Variants in RBBP8 observed in about 807,000 individuals in gnomAD.
RBBP8 encodes the protein DNA endonuclease RBBP8.
In RBBP8, 88 loss-of-function variants were observed where a neutral mutation model predicts 108.3. That is an observed-to-expected ratio of 0.81 (90% CI 0.68 to 0.97). RBBP8 has a LOEUF of 0.97. RBBP8 is among the 50% of genes least tolerant of loss of function. The pLI is 0.00. For synonymous variants in RBBP8, 332 were observed against 348.2 expected, an observed-to-expected ratio of 0.95 and a Z score of 0.52; for missense variants, 1,023 against 1,049.0, an observed-to-expected ratio of 0.98 and a Z score of 0.34.
intron 9 of RBBP8, among the ~76,000 whole-genome samples, chr18:22,990,467 A>G (rs1360344509): frequency 6.6e-6 from 1 of 152,222 alleles, no homozygotes; most frequent in African/African-American, 2.4e-5. Flanking sequence ...GGAGTAGAAT[A>G]TACTTGTGTA....
At chr18:22,959,090 G>T (rs1912844068) in intron 4 of RBBP8, among the ~76,000 whole-genome samples, 1 of 152,130 alleles carries the variant, frequency 6.6e-6, no homozygotes, top group South Asian at 2.1e-4. Flanking sequence ...ATAAATGTGG[G>T]CCTTTCTATT....
chr18:23,004,271 G>GTA (rs56071878), intron 15 of RBBP8, among the ~76,000 whole-genome samples: 7,810 of 150,510 alleles, frequency 0.052, 281 homozygotes, highest in Middle Eastern at 0.13. Context: ...CTAGATAGGT[G>GTA]TATATATATA....
At chr18:23,017,705 A>T (rs1424374957) in intron 17 of RBBP8, among the ~76,000 whole-genome samples, 1 of 149,316 alleles carries the variant, frequency 6.7e-6, no homozygotes, top group Non-Finnish European at 1.5e-5. Context: ...AGGTATACTC[A>T]TAATTTTTTA....
At chr18:22,970,527 G>A (rs1204816324) in intron 5 of RBBP8, among the ~76,000 whole-genome samples, 1 of 152,100 alleles carries the variant, frequency 6.6e-6, no homozygotes, top group Non-Finnish European at 1.5e-5. Flanking sequence ...GAATGTTTGA[G>A]AATTTTTATT....
At chr18:22,967,365 CAAA>C (rs200892497) in intron 4 of RBBP8, among the ~76,000 whole-genome samples, 1 of 108,256 alleles carries the variant, frequency 9.2e-6, no homozygotes, top group Non-Finnish European at 1.8e-5. Context: ...GACTCCGTCT[CAAA>C]AAAAAAAAAA....
intron 8 of RBBP8, among the ~76,000 whole-genome samples, chr18:22,985,846 G>A (rs1332812536): frequency 6.6e-6 from 1 of 151,372 alleles, no homozygotes; most frequent in African/African-American, 2.5e-5. Context: ...CATGAAACTA[G>A]ATGAGATTAC....
At chr18:22,961,781 A>G (rs1029475403) in intron 4 of RBBP8, among the ~76,000 whole-genome samples, 4 of 152,190 alleles carry the variant, frequency 2.6e-5, no homozygotes, top group African/African-American at 7.2e-5. Flanking sequence ...TTAAGGATCA[A>G]TCTGTGAAGA....
chr18:22,959,427 G>T (rs1912875966), intron 4 of RBBP8, among the ~76,000 whole-genome samples: 1 of 152,086 alleles, frequency 6.6e-6, no homozygotes, highest in African/African-American at 2.4e-5. Flanking sequence ...CTGTGTGTGT[G>T]TGTTTCCTTC....
chr18:22,954,469 C>T (rs1176067873), intron 4 of RBBP8, among the ~76,000 whole-genome samples: 1 of 152,226 alleles, frequency 6.6e-6, no homozygotes, highest in African/African-American at 2.4e-5. Flanking sequence ...TGTCTCACAT[C>T]CAGGTCATGC....
chr18:23,018,862 G>C (rs991763275), intron 17 of RBBP8, among the ~76,000 whole-genome samples: 2 of 152,120 alleles, frequency 1.3e-5, no homozygotes, highest in Admixed American at 1.3e-4. Context: ...TTCTTCCCTT[G>C]TTGTCCATTA....
intron 3 of RBBP8, among the ~76,000 whole-genome samples, chr18:22,947,389 C>T (rs903594544): frequency 6.6e-6 from 1 of 150,950 alleles, no homozygotes; most frequent in Admixed American, 6.6e-5. Flanking sequence ...CCATATATGA[C>T]ATTTGATTTA....
chr18:22,997,518 A>T, intron 13 of RBBP8, 102 bp from the exon 14 acceptor site: 1 of 759,252 alleles, frequency 1.3e-6, no homozygotes, highest in African/African-American at 1.8e-5. Context: ...AAGTTGTAAA[A>T]TGTATGTTAT....
intron 4 of RBBP8, among the ~76,000 whole-genome samples, chr18:22,968,076 A>AT (rs779989547): frequency 0.017 from 2,347 of 139,944 alleles, 35 homozygotes; most frequent in African/African-American, 0.034. Context: ...ACAAAAAAAA[A>AT]TTTTTTTTTT....
At chr18:22,942,286 C>G (rs1346442685) in intron 2 of RBBP8, among the ~76,000 whole-genome samples, 2 of 152,052 alleles carry the variant, frequency 1.3e-5, no homozygotes, top group African/African-American at 4.8e-5. Context: ...CAGAAATGTA[C>G]CCATAGGAAC....
At chr18:22,929,678 G>T (rs960173513), upstream of RBBP8, among the ~76,000 whole-genome samples, 1 of 151,962 alleles carries the variant, frequency 6.6e-6, no homozygotes, top group South Asian at 2.1e-4. Context: ...CACCCTATCT[G>T]GCCTCAGGTT....
intron 4 of RBBP8, among the ~76,000 whole-genome samples, chr18:22,960,244 C>T (rs1212998151): frequency 6.6e-6 from 1 of 152,160 alleles, no homozygotes; most frequent in African/African-American, 2.4e-5. Flanking sequence ...ATTCTCATAA[C>T]ATACAGTTTA....
chr18:23,020,063 A>G (rs2046323688), intron 17 of RBBP8, among the ~76,000 whole-genome samples: 2 of 150,948 alleles, frequency 1.3e-5, no homozygotes, highest in Middle Eastern at 3.2e-3. Context: ...CACCCGGCCA[A>G]CATTTTATAA....
chr18:22,930,737 T>G (rs1909991950), upstream of RBBP8, among the ~76,000 whole-genome samples: 1 of 152,202 alleles, frequency 6.6e-6, no homozygotes, highest in Non-Finnish European at 1.5e-5. Context: ...GGCTAGTTCC[T>G]GGAGATAAAA....
intron 4 of RBBP8, among the ~76,000 whole-genome samples, chr18:22,964,668 T>C (rs1274586788): frequency 4.6e-5 from 7 of 151,858 alleles, no homozygotes; most frequent in Admixed American, 4.6e-4. Flanking sequence ...TTGGTTTTTG[T>C]TTAAATAGTG....
Sources: allele counts gnomAD v4.1 joint callset (sites outside exome capture counted in the v4.1 genomes callset), GRCh38; gene constraint gnomAD v4.1.1; transcripts MANE v1.5; gene names NCBI Gene and HGNC (gene_info 2026-07-23, HGNC 2026-07-21).